NEK11: variants seen among roughly 807,000 people sequenced by gnomAD.
The protein encoded by NEK11 is NIMA related kinase 11.
A neutral mutation model predicts 80.7 loss-of-function variants in NEK11; 72 were observed. The ratio of observed to expected loss-of-function variants is 0.89; its 90% CI spans 0.74 to 1.08. NEK11 has a LOEUF of 1.08. Among genes scored for constraint, NEK11 ranks in the 50% least tolerant of loss-of-function variants. The pLI, the probability that NEK11 is intolerant of heterozygous loss-of-function variation, is 0.00. For missense variants in NEK11, 764 were observed against 763.6 expected, an observed-to-expected ratio of 1.00 and a Z score of -0.01; for synonymous variants, 251 against 260.7, an observed-to-expected ratio of 0.96 and a Z score of 0.36.
Position 131,288,957 on chromosome 3 carries a change from A to T in NEK11, c.1718+15383A>T, listed in dbSNP as rs931937534. On this transcript the variant is annotated intron_variant, in intron 17 of 17. Transcript: ENST00000383366. The stretch of plus-strand genomic sequence containing the variant: ...GAACTATAAAACGGAGATTAAAAAC[A>T]TTCCTTTCCCCTCCCAGATTAAAGC... Among the ~76,000 whole-genome samples the T allele has an allele frequency of 5.9e-5, 9 of 152,252 alleles. No individual in the cohort carries two copies. The South Asian group carries it at 6.2e-4, about 10-fold the overall frequency.
intron 3 of NEK11, among the ~76,000 whole-genome samples, chr3:131,041,472 C>T (rs1306515567): frequency 1.3e-5 from 2 of 152,026 alleles, no homozygotes; most frequent in Non-Finnish European, 2.9e-5. Flanking sequence ...CTTATTTTGG[C>T]ATTATTTTGC....
At chr3:131,240,615 G>A (rs1235131329) in intron 15 of NEK11, among the ~76,000 whole-genome samples, 2 of 152,026 alleles carry the variant, frequency 1.3e-5, no homozygotes, top group African/African-American at 2.4e-5. Context: ...ACAGTCTATC[G>A]ATGTCATCAT....
At chr3:131,040,380 T>A (rs959554465) in intron 3 of NEK11, among the ~76,000 whole-genome samples, 5 of 152,126 alleles carry the variant, frequency 3.3e-5, no homozygotes, top group Non-Finnish European at 7.4e-5. Context: ...ATGGATATGC[T>A]CATTATCATG....
At chr3:131,144,127 A>G (rs1234833749) in intron 7 of NEK11, among the ~76,000 whole-genome samples, 1 of 152,158 alleles carries the variant, frequency 6.6e-6, no homozygotes, top group Non-Finnish European at 1.5e-5. Context: ...TTTATTATCA[A>G]TCAACCTGTG....
At chr3:131,334,622 C>G (rs1215239681) in intron 17 of NEK11, among the ~76,000 whole-genome samples, 1 of 151,136 alleles carries the variant, frequency 6.6e-6, no homozygotes, top group African/African-American at 2.4e-5. Flanking sequence ...AAAATCAGAG[C>G]AGAACTGAAG....
chr3:131,071,064 A>G (rs574741795), intron 3 of NEK11, among the ~76,000 whole-genome samples: 1 of 152,364 alleles, frequency 6.6e-6, no homozygotes, highest in East Asian at 1.9e-4. Context: ...CCAGGCCATT[A>G]CAATGGGTAT....
At chr3:131,034,484 C>T (rs984296754) in intron 3 of NEK11, among the ~76,000 whole-genome samples, 4 of 152,144 alleles carry the variant, frequency 2.6e-5, no homozygotes, top group African/African-American at 9.7e-5. Flanking sequence ...ACTGCAAGCT[C>T]CGCCTCCCGG....
chr3:131,272,460 CTTCTTT>C (rs2096210268), intron 16 of NEK11, among the ~76,000 whole-genome samples: 1 of 56,426 alleles, frequency 1.8e-5, no homozygotes, highest in African/African-American at 5.9e-5. Flanking sequence ...CCAGTTTTAG[CTTCTTT>C]TTTTTTTTTT....
intron 17 of NEK11, among the ~76,000 whole-genome samples, chr3:131,316,823 T>G (rs914667161): frequency 6.6e-6 from 1 of 152,138 alleles, no homozygotes; most frequent in Non-Finnish European, 1.5e-5. Flanking sequence ...ATTTGTACTT[T>G]CCTTGATTTG....
chr3:131,274,103 C>A (rs2096249842), intron 17 of NEK11, among the ~76,000 whole-genome samples: 1 of 116,762 alleles, frequency 8.6e-6, no homozygotes, highest in South Asian at 3.6e-4. Flanking sequence ...TGCTATCCCT[C>A]CCCCCTCCCC....
At chr3:131,072,109 T>C (rs1404302961) in intron 3 of NEK11, 1 of 152,168 alleles carries the variant, frequency 6.6e-6, no homozygotes, top group African/African-American at 2.4e-5. Flanking sequence ...ACTATCAAAA[T>C]GGCTTAAACA....
chr3:131,171,767 G>A (rs1348831955), intron 14 of NEK11, among the ~76,000 whole-genome samples: 1 of 152,142 alleles, frequency 6.6e-6, no homozygotes, highest in African/African-American at 2.4e-5. Context: ...TATCAATATA[G>A]GTGTCTTCTC....
intron 14 of NEK11, among the ~76,000 whole-genome samples, chr3:131,194,811 T>C (rs1334313734): frequency 1.3e-5 from 2 of 152,180 alleles, no homozygotes; most frequent in Admixed American, 6.6e-5. Context: ...ATAGGAAATA[T>C]AAAGCAAGAA....
chr3:131,162,465 G>A lies in NEK11; in HGVS notation c.1020G>A (p.Thr340=), dbSNP rs746069554. 11 of 1,614,084 alleles carry A rather than the reference G, an allele frequency of 6.8e-6. No homozygotes were observed. The highest frequency in any genetic ancestry group is 1.7e-5 in the Admixed American group (1 of 60,016). Residue 340 remains threonine (T), a synonymous_variant, in exon 11 of 18, where the codon ACG becomes ACA. Transcript: ENST00000383366. ...LRALSEVQKM[T]PRERMRLRKL... is the part of the protein sequence containing the mutation. The stretch of plus-strand genomic sequence containing the variant: ...CACTGTCAGAAGTACAGAAAATGAC[G>A]CCAAGAGAAAGGATGCGGCTGAGGA...
chr3:131,132,702 T>A, intron 5 of NEK11, 43 bp from the exon 6 acceptor site: 1 of 1,041,642 alleles, frequency 9.6e-7, no homozygotes, highest in Non-Finnish European at 1.4e-6. Flanking sequence ...TTTAAAAATG[T>A]TATATTCTGC....
chr3:131,209,678 T>C (rs2150501500), intron 14 of NEK11, among the ~76,000 whole-genome samples: 1 of 152,342 alleles, frequency 6.6e-6, no homozygotes, highest in South Asian at 2.1e-4. Context: ...TATTGATCTA[T>C]TCAGGGATTC....
At chr3:131,203,569 T>TA (rs2094325561) in intron 14 of NEK11, among the ~76,000 whole-genome samples, 1 of 147,610 alleles carries the variant, frequency 6.8e-6, no homozygotes, top group African/African-American at 2.5e-5. Context: ...CCCTAAAACT[T>TA]AAAGTATAAT....
chr3:131,177,240 C>A (rs1023806573), intron 14 of NEK11, among the ~76,000 whole-genome samples: 1 of 152,094 alleles, frequency 6.6e-6, no homozygotes, highest in Non-Finnish European at 1.5e-5. Flanking sequence ...GCCTTTGAGT[C>A]CTGACTTTCC....
At chr3:131,204,277 GTATCCTATGTCA>G (rs2094373821) in intron 14 of NEK11, among the ~76,000 whole-genome samples, 1 of 152,076 alleles carries the variant, frequency 6.6e-6, no homozygotes, top group Admixed American at 6.6e-5. Flanking sequence ...TTCTTTATCT[GTATCCTATGTCA>G]TATCCTGTAT....
Sources: allele counts gnomAD v4.1 joint callset (sites outside exome capture counted in the v4.1 genomes callset), GRCh38; gene constraint gnomAD v4.1.1; transcripts MANE v1.5; gene names NCBI Gene and HGNC (gene_info 2026-07-23, HGNC 2026-07-21).